ERCC6L2: variants seen among roughly 807,000 people sequenced by gnomAD.
ERCC6L2 encodes ERCC excision repair 6 like 2.
Under a neutral mutation model 132.0 loss-of-function variants are expected in ERCC6L2, and 77 were observed. The ratio of observed to expected loss-of-function variants is 0.58; its 90% CI spans 0.49 to 0.71. The LOEUF (loss-of-function observed/expected upper bound fraction) is 0.71. ERCC6L2 is among the 30% of genes least tolerant of loss of function. The pLI is 0.00. For missense variants in ERCC6L2, 1,542 were observed against 1,837.6 expected (o/e 0.84, Z 2.94); for synonymous variants, 583 against 632.4 (o/e 0.92, Z 1.17).
chr9:95,880,672 C>T (rs567540594), intron 1 of ERCC6L2, among the ~76,000 whole-genome samples, 197 bp from the exon 2 acceptor site: 258 of 152,138 alleles, frequency 1.7e-3, no homozygotes, highest in African/African-American at 5.9e-3. Flanking sequence ...AAAGTATGTA[C>T]CCTTTATTCT....
intron 17 of ERCC6L2, among the ~76,000 whole-genome samples, chr9:95,985,817 A>C (rs1157841700): frequency 6.6e-6 from 1 of 152,198 alleles, no homozygotes; most frequent in Non-Finnish European, 1.5e-5. Flanking sequence ...TAATCTTGGT[A>C]CATACCAACC....
At chr9:95,887,048 G>A (rs1304827353) in intron 2 of ERCC6L2, among the ~76,000 whole-genome samples, 4 of 152,162 alleles carry the variant, frequency 2.6e-5, no homozygotes, top group South Asian at 2.1e-4. Flanking sequence ...CTTCGTGATC[G>A]TGTGAGATAG....
chr9:96,000,300 G>A (rs1020469913), intron 17 of ERCC6L2, among the ~76,000 whole-genome samples: 44 of 152,164 alleles, frequency 2.9e-4, no homozygotes, highest in African/African-American at 1.0e-3. Context: ...CTGAACCACA[G>A]TAGCTTTTGA....
rs532088236 is a variant in ERCC6L2 at position 95,892,424 on chromosome 9, C to CTTT, written c.472-5408_472-5406dup. Reference sequence around the variant, plus strand: ...AAGTTTCTCGGTGAAGTGTATAAATCTTTTTTTTTTTTTTTTTTTGAGGCA... The same window carrying CTTT: ...AAGTTTCTCGGTGAAGTGTATAAATCTTTTTTTTTTTTTTTTTTTTTTGAGGCA... On this transcript the variant is annotated intron_variant, in intron 2 of 18. Transcript: ENST00000653738. Among the ~76,000 whole-genome samples, 208 of 115,116 alleles carry CTTT rather than the reference C, an allele frequency of 1.8e-3. 4 individuals carry two copies. Among genetic ancestry groups the CTTT allele is most frequent in the Non-Finnish European group, 2.9e-3 (162 of 56,122 alleles). The allele number at this position is 115,116 out of a possible 152,430, so 75.5% of individuals were successfully genotyped here.
At chr9:96,026,307 G>T (rs1834362294) in intron 19 of ERCC6L2, among the ~76,000 whole-genome samples, 1 of 152,184 alleles carries the variant, frequency 6.6e-6, no homozygotes, top group Non-Finnish European at 1.5e-5. Flanking sequence ...CGCCCTCTGG[G>T]GCCCCCTGTT....
At chr9:96,025,392 C>T (rs952187915) in intron 19 of ERCC6L2, among the ~76,000 whole-genome samples, 27 of 152,198 alleles carry the variant, frequency 1.8e-4, no homozygotes, top group African/African-American at 5.8e-4. Flanking sequence ...CAGATGGCAG[C>T]GAGTTTCTGT....
intron 17 of ERCC6L2, among the ~76,000 whole-genome samples, chr9:95,986,481 T>C (rs1186684487): frequency 6.6e-6 from 1 of 150,836 alleles, no homozygotes; most frequent in Non-Finnish European, 1.5e-5. Flanking sequence ...TATGATTGTC[T>C]TCATATATCT....
At chr9:95,960,941 T>C (rs2133022660) in intron 13 of ERCC6L2, among the ~76,000 whole-genome samples, 1 of 152,274 alleles carries the variant, frequency 6.6e-6, no homozygotes, top group African/African-American at 2.4e-5. Context: ...AAACACTTAA[T>C]ATTGTTTTTG....
chr9:95,949,074 C>T (rs1043556913), intron 12 of ERCC6L2, among the ~76,000 whole-genome samples: 1 of 151,644 alleles, frequency 6.6e-6, no homozygotes. Flanking sequence ...ATTCTGGACA[C>T]GAAATTCAAT....
At chr9:95,959,130 T>G (rs563446851) in intron 13 of ERCC6L2, among the ~76,000 whole-genome samples, 5 of 151,888 alleles carry the variant, frequency 3.3e-5, no homozygotes, top group Admixed American at 6.6e-5. Context: ...CTTCAAACTA[T>G]ACTACAAGGC....
At chr9:95,942,565 G>A (rs962755381) in intron 12 of ERCC6L2, among the ~76,000 whole-genome samples, 13 of 151,766 alleles carry the variant, frequency 8.6e-5, no homozygotes, top group Admixed American at 2.6e-4. Flanking sequence ...AAATGGAGAG[G>A]GCTAATGGAA....
At chr9:95,977,530 T>G (rs1832720846) in intron 16 of ERCC6L2, among the ~76,000 whole-genome samples, 1 of 152,176 alleles carries the variant, frequency 6.6e-6, no homozygotes, top group African/African-American at 2.4e-5. Context: ...ATGAGTTAAT[T>G]TTTTTCATTT....
chr9:95,897,644 T>C (rs1169913975), intron 2 of ERCC6L2, among the ~76,000 whole-genome samples: 4 of 152,256 alleles, frequency 2.6e-5, no homozygotes, highest in South Asian at 4.1e-4. Flanking sequence ...AAGATGGTAA[T>C]GTGAGGATTT....
At chr9:96,004,211 T>C (rs977009710) in intron 17 of ERCC6L2, among the ~76,000 whole-genome samples, 7 of 152,242 alleles carry the variant, frequency 4.6e-5, no homozygotes, top group Non-Finnish European at 7.3e-5. Flanking sequence ...ATAGTGTATA[T>C]AATCATTAAT....
intron 13 of ERCC6L2, among the ~76,000 whole-genome samples, chr9:95,957,866 T>G (rs1040400979): frequency 6.7e-6 from 1 of 149,990 alleles, no homozygotes; most frequent in Non-Finnish European, 1.5e-5. Flanking sequence ...AATCCAAAAA[T>G]TATGTTTTTG....
At chr9:96,029,048 T>C (rs543024906) in intron 19 of ERCC6L2, among the ~76,000 whole-genome samples, 1 of 152,192 alleles carries the variant, frequency 6.6e-6, no homozygotes, top group Admixed American at 6.5e-5. Flanking sequence ...CTCAGGCCTG[T>C]AATCCCAGCA....
intron 13 of ERCC6L2, among the ~76,000 whole-genome samples, chr9:95,961,363 A>G (rs1355400837): frequency 6.6e-6 from 1 of 152,156 alleles, no homozygotes; most frequent in Non-Finnish European, 1.5e-5. Flanking sequence ...AAAGAATGCT[A>G]CGGATTACCA....
chr9:96,008,259 T>G (rs111913819), intron 18 of ERCC6L2, among the ~76,000 whole-genome samples: 6 of 152,320 alleles, frequency 3.9e-5, no homozygotes, highest in African/African-American at 1.4e-4. Context: ...AACTTTAATA[T>G]CTTCCCTAGA....
intron 18 of ERCC6L2, among the ~76,000 whole-genome samples, chr9:96,007,992 G>T (rs559470867): frequency 6.6e-6 from 1 of 152,140 alleles, no homozygotes; most frequent in Admixed American, 6.5e-5. Flanking sequence ...GCTGGTTGGA[G>T]TATGGCTCTC....
Sources: gnomAD v4.1 joint callset for allele counts (sites outside exome capture counted in the v4.1 genomes callset) on GRCh38, gnomAD v4.1.1 for gene constraint, MANE v1.5 for transcripts, NCBI Gene and HGNC (gene_info 2026-07-23, HGNC 2026-07-21) for gene names.